Variants in RPTOR observed in about 807,000 individuals in gnomAD.
The protein encoded by RPTOR is regulatory-associated protein of mTOR.
A neutral mutation model predicts 169.9 loss-of-function variants in RPTOR; 21 were observed. The ratio of observed to expected loss-of-function variants is 0.12; its 90% CI spans 0.09 to 0.18. The LOEUF (loss-of-function observed/expected upper bound fraction) is 0.18, where lower values mean the gene tolerates loss of function less well. Ranked by LOEUF, RPTOR falls within the 10% of genes least tolerant of loss-of-function variation. The pLI is 1.00. For missense variants in RPTOR, 1,133 were observed against 1,855.9 expected (o/e 0.61, Z 7.16); for synonymous variants, 732 against 753.2 (o/e 0.97, Z 0.46).
intron 6 of RPTOR, among the ~76,000 whole-genome samples, chr17:80,763,005 A>G (rs2066750466): frequency 6.6e-6 from 1 of 152,230 alleles, no homozygotes; most frequent in East Asian, 1.9e-4. Flanking sequence ...ATCATGATAC[A>G]GCAGTCTCTT....
At chr17:80,690,641 G>A (rs754091285) in intron 3 of RPTOR, among the ~76,000 whole-genome samples, 28 of 144,552 alleles carry the variant, frequency 1.9e-4, no homozygotes, top group Non-Finnish European at 3.8e-4. Flanking sequence ...ACACAGCCGG[G>A]CTCCCCTAGA....
chr17:80,705,723 G>A (rs1414786847), intron 3 of RPTOR, among the ~76,000 whole-genome samples: 1 of 152,046 alleles, frequency 6.6e-6, no homozygotes, highest in East Asian at 1.9e-4. Context: ...CAGTAGAGAC[G>A]AGGGATCTGA....
chr17:80,595,302 G>A (rs141356410), intron 1 of RPTOR, among the ~76,000 whole-genome samples: 1 of 152,136 alleles, frequency 6.6e-6, no homozygotes, highest in African/African-American at 2.4e-5. Context: ...TAAACATCTA[G>A]TTCTATTAGA....
intron 13 of RPTOR, among the ~76,000 whole-genome samples, chr17:80,875,473 G>A (rs139534193): frequency 0.015 from 2,281 of 152,264 alleles, 66 homozygotes; most frequent in African/African-American, 0.052. Context: ...AGGGAAGGGG[G>A]CTTGCTCAGG....
At chr17:80,876,203 C>A (rs1318234275) in intron 13 of RPTOR, among the ~76,000 whole-genome samples, 3 of 101,268 alleles carry the variant, frequency 3.0e-5, no homozygotes, top group Non-Finnish European at 6.1e-5. Context: ...CCGTGTCTTC[C>A]CACCGAACCC....
At chr17:80,952,876 T>C (rs2069199632) in intron 28 of RPTOR, among the ~76,000 whole-genome samples, 1 of 117,268 alleles carries the variant, frequency 8.5e-6, no homozygotes, top group African/African-American at 2.9e-5. Context: ...TTTTTTTTTT[T>C]TTTTTTGAGG....
intron 6 of RPTOR, among the ~76,000 whole-genome samples, chr17:80,757,626 TG>T (rs776567191): frequency 6.6e-6 from 1 of 152,186 alleles, no homozygotes; most frequent in East Asian, 1.9e-4. Flanking sequence ...TGTCCATATT[TG>T]GGGGGTCCAT....
intron 28 of RPTOR, among the ~76,000 whole-genome samples, chr17:80,955,920 G>C (rs563591374): frequency 6.6e-6 from 1 of 152,208 alleles, no homozygotes; most frequent in Non-Finnish European, 1.5e-5. Context: ...CTCAAATGAC[G>C]GGGTTAGTTG....
chr17:80,687,752 G>C (rs773771002), intron 3 of RPTOR, among the ~76,000 whole-genome samples: 2 of 152,212 alleles, frequency 1.3e-5, no homozygotes, highest in Non-Finnish European at 2.9e-5. Flanking sequence ...TGTTTAGAGC[G>C]TCCCTTCCCT....
At chr17:80,616,296 A>ATTTTTTT (rs1409395643) in intron 1 of RPTOR, among the ~76,000 whole-genome samples, 14 of 101,782 alleles carry the variant, frequency 1.4e-4, no homozygotes, top group Admixed American at 2.9e-4. Flanking sequence ...AAAATTGAAA[A>ATTTTTTT]TCTTTTTTTT....
chr17:80,674,972 T>C (rs2065851987), intron 3 of RPTOR, among the ~76,000 whole-genome samples: 1 of 152,150 alleles, frequency 6.6e-6, no homozygotes, highest in Non-Finnish European at 1.5e-5. Context: ...ACCAGTTGCT[T>C]CCAACTAGGA....
At chr17:80,962,349 A>G in intron 31 of RPTOR, 112 bp from the exon 32 acceptor site, 1 of 825,066 alleles carries the variant, frequency 1.2e-6, no homozygotes, top group Admixed American at 2.2e-5. Flanking sequence ...TTCCTTGAGC[A>G]GTGTGTGTGC....
intron 1 of RPTOR, among the ~76,000 whole-genome samples, chr17:80,624,739 C>T (rs931073255): frequency 5.9e-5 from 9 of 152,202 alleles, no homozygotes; most frequent in African/African-American, 1.2e-4. Flanking sequence ...AACATCCAGA[C>T]GGCTTAAAGG....
chr17:80,631,940 A>G (rs1425882889), intron 2 of RPTOR, among the ~76,000 whole-genome samples: 2 of 152,220 alleles, frequency 1.3e-5, no homozygotes, highest in African/African-American at 4.8e-5. Context: ...CCCTGTCTCA[A>G]AAAACCCCAA....
intron 5 of RPTOR, among the ~76,000 whole-genome samples, chr17:80,737,202 A>T (rs2066440645): frequency 6.6e-6 from 1 of 152,176 alleles, no homozygotes; most frequent in Non-Finnish European, 1.5e-5. Flanking sequence ...ATATTTAAGA[A>T]TGAAGAGAAG....
intron 3 of RPTOR, among the ~76,000 whole-genome samples, chr17:80,676,728 C>G (rs558915844): frequency 3.9e-4 from 60 of 152,326 alleles, no homozygotes; most frequent in African/African-American, 1.3e-3. Context: ...TGCGTGGTGG[C>G]TGAACTGCGG....
chr17:80,897,218 C>T (rs1010547291), intron 20 of RPTOR, among the ~76,000 whole-genome samples: 1 of 149,642 alleles, frequency 6.7e-6, no homozygotes, highest in African/African-American at 2.5e-5. Context: ...CACTGCACTC[C>T]AGCCTGGCAA....
chr17:80,552,445 T>G (rs12451149), intron 1 of RPTOR, among the ~76,000 whole-genome samples: 24,815 of 152,204 alleles, frequency 0.16, 2,334 homozygotes, highest in East Asian at 0.28. Flanking sequence ...AGCCACCCTG[T>G]CACTCATAAA....
intron 2 of RPTOR, among the ~76,000 whole-genome samples, chr17:80,638,926 C>T (rs1599625822): frequency 1.3e-5 from 2 of 152,298 alleles, no homozygotes; most frequent in South Asian, 2.1e-4. Context: ...CGCTCCTGTA[C>T]GGCTCCCGTC....
Sources: gnomAD v4.1 joint callset for allele counts (sites outside exome capture counted in the v4.1 genomes callset) on GRCh38, gnomAD v4.1.1 for gene constraint, MANE v1.5 for transcripts, NCBI Gene and HGNC (gene_info 2026-07-23, HGNC 2026-07-21) for gene names.